The following FBXW11 variants were observed in gnomAD, a reference collection of about 807,000 sequenced individuals.
FBXW11 encodes F-box/WD repeat-containing protein 11.
In FBXW11, 19 loss-of-function variants were observed where a neutral mutation model predicts 77.6. That is an observed-to-expected ratio of 0.24 (90% confidence interval 0.17 to 0.36). The LOEUF (loss-of-function observed/expected upper bound fraction) is 0.36. FBXW11 is among the 10% of genes least tolerant of loss of function. FBXW11 has a pLI of 1.00. For synonymous variants in FBXW11, 235 were observed against 249.4 expected, an observed-to-expected ratio of 0.94 and a Z score of 0.54; for missense variants, 334 against 704.2, an observed-to-expected ratio of 0.47 and a Z score of 5.95.
chr5:171,978,077 C>T (rs1270492519), intron 1 of FBXW11, among the ~76,000 whole-genome samples: 1 of 151,998 alleles, frequency 6.6e-6, no homozygotes, highest in Non-Finnish European at 1.5e-5. Flanking sequence ...CAGAGGTTAA[C>T]TAGACAAGGA....
At chr5:171,963,621 G>C (rs1486189660) in intron 1 of FBXW11, among the ~76,000 whole-genome samples, 1 of 152,102 alleles carries the variant, frequency 6.6e-6, no homozygotes, top group African/African-American at 2.4e-5. Context: ...CAGATACACA[G>C]TTTGTACAAT....
In FBXW11 at chr5:171,943,263, A is replaced by G. The variant is rs78741667; in HGVS notation, c.147+14334T>C. 2.6e-3 allele frequency among the ~76,000 whole-genome samples: 399 copies of G among 152,342 alleles called. 1 individual carries two copies. Among genetic ancestry groups the G allele is most frequent in the African/African-American group, 9.0e-3 (376 of 41,584 alleles). ...ATGGGACATAGTAGGACTCAGAACCATGGTACATAAATATGTCCAAGATAT... is the reference window on the plus strand; with the variant it reads ...ATGGGACATAGTAGGACTCAGAACCGTGGTACATAAATATGTCCAAGATAT... On this transcript the variant is annotated intron_variant, in intron 2 of 13. Coordinates refer to ENST00000517395, the MANE Select transcript of FBXW11 (RefSeq NM_001378974.1).
chr5:171,937,695 G>C (rs567031460), intron 2 of FBXW11, among the ~76,000 whole-genome samples: 1 of 151,892 alleles, frequency 6.6e-6, no homozygotes, highest in Admixed American at 6.6e-5. Flanking sequence ...AGGCATGGTG[G>C]CACACGCCTG....
chr5:171,988,781 G>A (rs1315172978), intron 1 of FBXW11, among the ~76,000 whole-genome samples: 6 of 152,038 alleles, frequency 3.9e-5, no homozygotes, highest in Non-Finnish European at 5.9e-5. Context: ...GGAGGCAGAG[G>A]CTGCAGTGAG....
At chr5:171,968,018 C>T (rs145577653) in intron 1 of FBXW11, among the ~76,000 whole-genome samples, 1 of 152,050 alleles carries the variant, frequency 6.6e-6, no homozygotes, top group African/African-American at 2.4e-5. Flanking sequence ...TCAAACTTCT[C>T]CATTCCCTCT....
chr5:171,921,931 G>A (rs1332706478), intron 2 of FBXW11, among the ~76,000 whole-genome samples: 1 of 151,958 alleles, frequency 6.6e-6, no homozygotes, highest in East Asian at 1.9e-4. Flanking sequence ...CAGAGACAGG[G>A]TCTTGCTATG....
At chr5:171,905,679 C>T (rs1474083729) in intron 4 of FBXW11, among the ~76,000 whole-genome samples, 2 of 147,144 alleles carry the variant, frequency 1.4e-5, no homozygotes, top group Non-Finnish European at 3.0e-5. Flanking sequence ...ATTCAGGTAC[C>T]TTAGAGTGGC....
intron 2 of FBXW11, among the ~76,000 whole-genome samples, chr5:171,916,254 GAAAA>G (rs34199464): frequency 4.3e-5 from 6 of 139,726 alleles, no homozygotes; most frequent in African/African-American, 1.4e-4. Context: ...AAAAAAATGA[GAAAA>G]AAAAAAAAAA....
intron 11 of FBXW11, among the ~76,000 whole-genome samples, chr5:171,870,486 T>C (rs956772018): frequency 6.6e-6 from 1 of 152,194 alleles, no homozygotes; most frequent in African/African-American, 2.4e-5. Context: ...ACCTAAGCTA[T>C]TGCTGGAGTT....
intron 2 of FBXW11, among the ~76,000 whole-genome samples, chr5:171,927,123 C>A: frequency 6.6e-6 from 1 of 152,028 alleles, no homozygotes; most frequent in South Asian, 2.1e-4. Context: ...TGGGAATAGG[C>A]AAAACTTTTT....
chr5:171,933,387 G>C (rs563052265), intron 2 of FBXW11, among the ~76,000 whole-genome samples: 1 of 152,238 alleles, frequency 6.6e-6, no homozygotes, highest in African/African-American at 2.4e-5. Flanking sequence ...GAATTCTTAG[G>C]GCAGTGAAAC....
chr5:171,977,948 T>TA (rs965139531), intron 1 of FBXW11, among the ~76,000 whole-genome samples: 15 of 151,558 alleles, frequency 9.9e-5, no homozygotes, highest in African/African-American at 2.9e-4. Flanking sequence ...GCTGTAAAAA[T>TA]AAAAAAAGAA....
At chr5:171,952,233 T>G (rs1561715972) in intron 2 of FBXW11, among the ~76,000 whole-genome samples, 1 of 151,090 alleles carries the variant, frequency 6.6e-6, no homozygotes, top group Non-Finnish European at 1.5e-5. Flanking sequence ...CAGGAGGAAG[T>G]AAGGCCCTAA....
chr5:171,933,747 T>C (rs1200499495), intron 2 of FBXW11, among the ~76,000 whole-genome samples: 1 of 152,200 alleles, frequency 6.6e-6, no homozygotes, highest in African/African-American at 2.4e-5. Context: ...AAATAATACT[T>C]TGATAAGGAA....
chr5:171,979,663 AAC>A (rs1255242735), intron 1 of FBXW11, among the ~76,000 whole-genome samples: 1 of 152,192 alleles, frequency 6.6e-6, no homozygotes, highest in Non-Finnish European at 1.5e-5. Flanking sequence ...AACCATAAAA[AAC>A]AATTATTTTG....
chr5:172,006,192 G>C (rs1317784276), intron 1 of FBXW11, among the ~76,000 whole-genome samples: 1 of 152,228 alleles, frequency 6.6e-6, no homozygotes, highest in Non-Finnish European at 1.5e-5. Context: ...ACGAGCGAGG[G>C]TCGTCCGAGA....
At chr5:171,968,430 CTGGGCG>C (rs1488711965) in intron 1 of FBXW11, among the ~76,000 whole-genome samples, 65 of 146,368 alleles carry the variant, frequency 4.4e-4, no homozygotes, top group African/African-American at 1.6e-3. Context: ...GCACTCCAGC[CTGGGCG>C]AAAGAGCCAG....
intron 2 of FBXW11, among the ~76,000 whole-genome samples, chr5:171,944,432 G>A (rs192722166): frequency 2.6e-4 from 39 of 151,592 alleles, no homozygotes; most frequent in Non-Finnish European, 4.6e-4. Flanking sequence ...AAAATTAGCC[G>A]GACGAGGTGG....
intron 1 of FBXW11, among the ~76,000 whole-genome samples, chr5:171,989,663 G>C (rs1765627856): frequency 6.6e-6 from 1 of 152,216 alleles, no homozygotes; most frequent in Non-Finnish European, 1.5e-5. Context: ...AAAGGGTAAA[G>C]GAACTGTTCT....
Sources: gnomAD v4.1 joint callset for allele counts (sites outside exome capture counted in the v4.1 genomes callset) on GRCh38, gnomAD v4.1.1 for gene constraint, MANE v1.5 for transcripts, NCBI Gene and HGNC (gene_info 2026-07-23, HGNC 2026-07-21) for gene names.